THRB: variants seen among roughly 807,000 people sequenced by gnomAD.
THRB encodes the protein thyroid hormone receptor beta.
THRB carries 12 observed loss-of-function variants against 47.8 expected under a neutral mutation model. That is an observed-to-expected ratio of 0.25 (90% confidence interval 0.16 to 0.41). The LOEUF (loss-of-function observed/expected upper bound fraction) is 0.41. THRB is among the 10% of genes least tolerant of loss of function. The pLI is 1.00. For synonymous variants in THRB, 218 were observed against 212.2 expected (o/e 1.03, Z -0.24); for missense variants, 348 against 589.2 (o/e 0.59, Z 4.24).
chr3:24,488,492 CG>C (rs1697640625), intron 1 of THRB, among the ~76,000 whole-genome samples: 2 of 150,258 alleles, frequency 1.3e-5, no homozygotes, highest in South Asian at 2.1e-4. Flanking sequence ...GCAAGACAAA[CG>C]TAAGTTGAGA....
chr3:24,360,187 T>A (rs996469312), intron 1 of THRB, among the ~76,000 whole-genome samples: 1 of 152,178 alleles, frequency 6.6e-6, no homozygotes, highest in Non-Finnish European at 1.5e-5. Flanking sequence ...TACACATGTT[T>A]ATTATTGCAT....
chr3:24,281,526 C>T lies in THRB; in HGVS notation c.-43+15700G>A, dbSNP rs2054607287. 2.0e-5 allele frequency among the ~76,000 whole-genome samples: 3 copies of T among 151,186 alleles called. No individual in the cohort carries two copies. In the South Asian group the frequency reaches 6.4e-4, roughly 32 times the overall value. On this transcript the variant is annotated intron_variant, in intron 3 of 10. Coordinates refer to ENST00000646209, the MANE Select transcript of THRB (RefSeq NM_001354712.2). ...CGAGACTAGGAGGAAACCGCATCAA[C>T]TAACGAGCAAAATCACCAGCTAACA... is the stretch of plus-strand genomic sequence containing the variant.
intron 3 of THRB, among the ~76,000 whole-genome samples, chr3:24,255,688 C>T (rs2051192578): frequency 2.0e-5 from 3 of 152,264 alleles, no homozygotes; most frequent in South Asian, 4.2e-4. Context: ...TACTTATGTA[C>T]AGGGTGATAG....
chr3:24,233,545 G>C (rs1302868734), intron 3 of THRB, among the ~76,000 whole-genome samples: 1 of 89,944 alleles, frequency 1.1e-5, no homozygotes, highest in Non-Finnish European at 2.4e-5. Flanking sequence ...GAAAGAAAGA[G>C]AAAGAAAGAA....
intron 1 of THRB, among the ~76,000 whole-genome samples, chr3:24,489,797 C>G (rs1697864507): frequency 6.6e-6 from 1 of 152,168 alleles, no homozygotes; most frequent in African/African-American, 2.4e-5. Context: ...AAATATATTA[C>G]TTGTGACTCA....
chr3:24,378,460 T>C (rs1055911067), intron 1 of THRB, among the ~76,000 whole-genome samples: 1 of 152,172 alleles, frequency 6.6e-6, no homozygotes, highest in African/African-American at 2.4e-5. Flanking sequence ...CTATGTTACC[T>C]ATCTCTTAGC....
chr3:24,142,612 A>G (rs182758294), intron 8 of THRB, among the ~76,000 whole-genome samples: 353 of 152,348 alleles, frequency 2.3e-3, no homozygotes, highest in Non-Finnish European at 2.6e-3. Context: ...TCAGGTAGGT[A>G]CTTGAAAAGG....
Position 24,323,521 on chromosome 3 carries a change from G to A in THRB, c.-189+13779C>T, listed in dbSNP as rs574229685. On this transcript the variant is annotated intron_variant, in intron 2 of 10. Coordinates refer to ENST00000646209, the MANE Select transcript of THRB (RefSeq NM_001354712.2). Reference sequence around the variant, plus strand: ...GATTCTGATTCATTAGATCTGGAGTGAGTCCTGAGATTCTGCATTCCTAAC... The same window carrying A: ...GATTCTGATTCATTAGATCTGGAGTAAGTCCTGAGATTCTGCATTCCTAAC... Among the ~76,000 whole-genome samples, 3 of 152,320 alleles carry A rather than the reference G, an allele frequency of 2.0e-5. No individual in the cohort carries two copies. In the South Asian group the frequency reaches 6.2e-4, roughly 32 times the overall value.
At chr3:24,242,237 A>G (rs1235708145) in intron 3 of THRB, among the ~76,000 whole-genome samples, 1 of 152,150 alleles carries the variant, frequency 6.6e-6, no homozygotes, top group Non-Finnish European at 1.5e-5. Context: ...ACAAGATGGC[A>G]TGTTTTAGCC....
At chr3:24,244,056 T>C (rs1460463573) in intron 3 of THRB, among the ~76,000 whole-genome samples, 1 of 151,340 alleles carries the variant, frequency 6.6e-6, no homozygotes, top group Non-Finnish European at 1.5e-5. Flanking sequence ...AGTGGACGAG[T>C]GGTCAGCTAG....
At chr3:24,343,043 T>C (rs1398405997) in intron 1 of THRB, among the ~76,000 whole-genome samples, 1 of 152,124 alleles carries the variant, frequency 6.6e-6, no homozygotes, top group Non-Finnish European at 1.5e-5. Context: ...AATGGGAAAT[T>C]TAATGGCTCT....
chr3:24,422,166 G>A (rs1474709384), intron 1 of THRB, among the ~76,000 whole-genome samples: 1 of 151,954 alleles, frequency 6.6e-6, no homozygotes, highest in Non-Finnish European at 1.5e-5. Context: ...GGCTTGAGGA[G>A]CTTGGGAAAA....
At chr3:24,187,197 A>G (rs1036907584) in intron 5 of THRB, among the ~76,000 whole-genome samples, 2 of 152,190 alleles carry the variant, frequency 1.3e-5, no homozygotes, top group African/African-American at 2.4e-5. Flanking sequence ...TATCCTGTTC[A>G]GTGAAATGAA....
At chr3:24,434,824 A>G (rs1248069001) in intron 1 of THRB, among the ~76,000 whole-genome samples, 1 of 152,192 alleles carries the variant, frequency 6.6e-6, no homozygotes, top group Non-Finnish European at 1.5e-5. Context: ...TGTGTTTGGC[A>G]TGTCATGGGG....
chr3:24,272,788 C>T (rs2053490032), intron 3 of THRB, among the ~76,000 whole-genome samples: 1 of 152,172 alleles, frequency 6.6e-6, no homozygotes, highest in African/African-American at 2.4e-5. Flanking sequence ...ATCCTTAGCA[C>T]TAAGCAATTT....
chr3:24,466,957 TTTCTCTGTAGTGTATGATGC>T (rs1370524582), intron 1 of THRB, among the ~76,000 whole-genome samples: 3 of 152,232 alleles, frequency 2.0e-5, no homozygotes, highest in African/African-American at 7.2e-5. Context: ...TCATGAAATG[TTTCTCTGTAGTGTATGATGC>T]TGTTTGATAG....
intron 1 of THRB, among the ~76,000 whole-genome samples, chr3:24,407,775 C>T (rs1186339765): frequency 1.3e-5 from 2 of 151,830 alleles, no homozygotes; most frequent in Non-Finnish European, 2.9e-5. Flanking sequence ...TATCATTTGG[C>T]CACCATTTAC....
intron 6 of THRB, 150 bp downstream of exon 6, chr3:24,152,240 G>A: frequency 3.5e-6 from 2 of 573,386 alleles, no homozygotes; most frequent in South Asian, 2.5e-5. Flanking sequence ...CAAAAATGAA[G>A]AGCACAACCA....
At chr3:24,283,406 AT>A (rs879900107) in intron 3 of THRB, among the ~76,000 whole-genome samples, 2 of 151,908 alleles carry the variant, frequency 1.3e-5, no homozygotes, top group Non-Finnish European at 2.9e-5. Context: ...AAAACTCTCA[AT>A]AAATTAGGTA....
Sources: allele counts gnomAD v4.1 joint callset (sites outside exome capture counted in the v4.1 genomes callset), GRCh38; gene constraint gnomAD v4.1.1; transcripts MANE v1.5; gene names NCBI Gene and HGNC (gene_info 2026-07-23, HGNC 2026-07-21).